The following ANXA8 variants were observed in gnomAD, a reference collection of about 807,000 sequenced individuals.
ANXA8 encodes the protein VAC-beta.
In ANXA8, 9 loss-of-function variants were observed where a neutral mutation model predicts 26.8. The ratio of observed to expected loss-of-function variants is 0.34; its 90% CI spans 0.20 to 0.59. The LOEUF is 0.59. Among genes scored for constraint, ANXA8 ranks in the 20% least tolerant of loss-of-function variants. The probability of loss-of-function intolerance (pLI) is 0.84; values close to 1 mark genes in which losing one functional copy is unlikely to be tolerated. For missense variants in ANXA8, 83 were observed against 238.5 expected (o/e 0.35, Z 4.29); for synonymous variants, 39 against 94.8 (o/e 0.41, Z 3.42).
the ANXA8 span, chr10:47,503,037 G>T: frequency 2.5e-6 from 4 of 1,609,032 alleles, no homozygotes; most frequent in Non-Finnish European, 3.4e-6. Flanking sequence ...CCATGTCCTT[G>T]GATAGGCCAT....
chr10:47,694,040 T>C, the ANXA8 span, among the ~76,000 whole-genome samples: 1 of 151,676 alleles, frequency 6.6e-6, no homozygotes, highest in South Asian at 2.1e-4. Context: ...AGGGGCCTTT[T>C]CCGTTTTCCT....
chr10:47,655,583 A>G, the ANXA8 span, among the ~76,000 whole-genome samples: 2 of 151,594 alleles, frequency 1.3e-5, no homozygotes, highest in East Asian at 3.8e-4. Flanking sequence ...TTGGTGTTCA[A>G]GACTGGATAG....
chr10:47,679,986 T>G, the ANXA8 span, among the ~76,000 whole-genome samples: 101 of 151,970 alleles, frequency 6.6e-4, no homozygotes, highest in East Asian at 1.5e-3. Flanking sequence ...TTTGTTTTTT[T>G]TTTTCTGAGA....
At chr10:47,669,445 G>A in the ANXA8 span, among the ~76,000 whole-genome samples, 9 of 151,324 alleles carry the variant, frequency 5.9e-5, no homozygotes, top group South Asian at 6.2e-4. Flanking sequence ...AGGGCCAGGC[G>A]TGGTGGCTCA....
At chr10:47,744,537 T>A in the ANXA8 span, among the ~76,000 whole-genome samples, 1 of 150,806 alleles carries the variant, frequency 6.6e-6, no homozygotes, top group African/African-American at 2.4e-5. Flanking sequence ...CACTCCACTT[T>A]GAGAAACATA....
the ANXA8 span, among the ~76,000 whole-genome samples, chr10:47,684,701 T>A: frequency 6.6e-6 from 1 of 151,776 alleles, no homozygotes. Flanking sequence ...TTCTCCTGCC[T>A]CAGCCTCTGG....
the ANXA8 span, among the ~76,000 whole-genome samples, chr10:47,704,027 TATAGAC>T: frequency 7.1e-6 from 1 of 141,698 alleles, no homozygotes; most frequent in Non-Finnish European, 1.6e-5. Context: ...GAGAAACTCT[TATAGAC>T]TAGAGGAGAC....
chr10:47,486,793 T>G (rs1840057368), upstream of ANXA8, among the ~76,000 whole-genome samples: 2 of 133,764 alleles, frequency 1.5e-5, no homozygotes, highest in African/African-American at 2.8e-5. Context: ...CTACTAAAAA[T>G]AAAAACAATA....
At chr10:47,648,756 G>A in the ANXA8 span, among the ~76,000 whole-genome samples, 1 of 72,926 alleles carries the variant, frequency 1.4e-5, no homozygotes, top group Non-Finnish European at 2.4e-5. Context: ...ATCTTGATGT[G>A]GAACAATACT....
At chr10:47,701,767 T>C in the ANXA8 span, among the ~76,000 whole-genome samples, 1 of 151,566 alleles carries the variant, frequency 6.6e-6, no homozygotes, top group South Asian at 2.1e-4. Flanking sequence ...AAGTGGGGAA[T>C]GGGAACAGGA....
the ANXA8 span, among the ~76,000 whole-genome samples, chr10:47,664,123 T>A: frequency 6.6e-6 from 1 of 151,292 alleles, no homozygotes; most frequent in Admixed American, 6.6e-5. Flanking sequence ...ACGCCTGTAA[T>A]CCTAGCACTC....
chr10:47,469,799 T>C (rs1302794862), intron 11 of ANXA8, among the ~76,000 whole-genome samples: 1 of 151,586 alleles, frequency 6.6e-6, no homozygotes, highest in African/African-American at 2.4e-5. Flanking sequence ...ATGGTTATTG[T>C]CTACTTTTCA....
chr10:47,506,674 C>A, the ANXA8 span, among the ~76,000 whole-genome samples: 2 of 143,272 alleles, frequency 1.4e-5, no homozygotes, highest in Non-Finnish European at 3.1e-5. Context: ...GAGTCTTGCT[C>A]TGTCACCCAG....
the ANXA8 span, among the ~76,000 whole-genome samples, chr10:47,535,163 A>G: frequency 3.1e-5 from 4 of 127,626 alleles, 1 homozygote; most frequent in African/African-American, 1.4e-4. Flanking sequence ...TAGTAGAGAC[A>G]GGGTTTCACC....
At chr10:47,701,807 CAAAT>C in the ANXA8 span, among the ~76,000 whole-genome samples, 2 of 151,334 alleles carry the variant, frequency 1.3e-5, no homozygotes, top group African/African-American at 4.9e-5. Context: ...GTGACACTAA[CAAAT>C]GAATGTATTA....
chr10:47,535,742 A>G, the ANXA8 span, among the ~76,000 whole-genome samples: 1 of 51,234 alleles, frequency 2.0e-5, no homozygotes, highest in African/African-American at 1.0e-4. Context: ...TGGCCCCCCA[A>G]AGATGTCCAC....
chr10:47,514,082 T>C, the ANXA8 span, among the ~76,000 whole-genome samples: 5 of 141,678 alleles, frequency 3.5e-5, no homozygotes, highest in Non-Finnish European at 7.7e-5. Flanking sequence ...CAACAGAGTA[T>C]ACAGACAACC....
the ANXA8 span, among the ~76,000 whole-genome samples, chr10:47,730,621 G>T: frequency 6.6e-6 from 1 of 152,258 alleles, no homozygotes; most frequent in African/African-American, 2.4e-5. Flanking sequence ...TAAAAAGATT[G>T]TTTTTGTCTT....
the ANXA8 span, among the ~76,000 whole-genome samples, chr10:47,744,720 T>A: frequency 6.6e-6 from 1 of 151,880 alleles, no homozygotes; most frequent in East Asian, 1.9e-4. Context: ...GCTTATGGAA[T>A]GTAAACAGCA....
Sources: allele counts gnomAD v4.1 joint callset (sites outside exome capture counted in the v4.1 genomes callset), GRCh38; gene constraint gnomAD v4.1.1; transcripts MANE v1.5; gene names NCBI Gene and HGNC (gene_info 2026-07-23, HGNC 2026-07-21).